Variants in DNAJC19 observed in about 807,000 individuals in gnomAD.
The protein encoded by DNAJC19 is DnaJ heat shock protein family (Hsp40) member C19.
A neutral mutation model predicts 19.8 loss-of-function variants in DNAJC19; 15 were observed. The ratio of observed to expected loss-of-function variants is 0.76; its 90% CI spans 0.51 to 1.17. DNAJC19 has a LOEUF of 1.17. Among genes scored for constraint, DNAJC19 ranks in the 50% most tolerant of loss-of-function variants. DNAJC19 has a pLI of 0.00. For missense variants in DNAJC19, 105 were observed against 140.9 expected, an observed-to-expected ratio of 0.75 and a Z score of 1.29; for synonymous variants, 38 against 42.1, an observed-to-expected ratio of 0.90 and a Z score of 0.38.
At chr3:180,987,874 G>T in intron 3 of DNAJC19, 149 bp downstream of exon 3, 1 of 948,064 alleles carries the variant, frequency 1.1e-6, no homozygotes. Flanking sequence ...CCATCACAAA[G>T]TTCAGAACTT....
At position 180,984,062 on chromosome 3, in the gene DNAJC19, G is replaced by T; in HGVS notation, c.*578C>A. On this transcript the variant is annotated 3_prime_UTR_variant, in exon 6 of 6. Transcript: ENST00000382564. ...AAATCTTTATCATACTATTTTTAATGCATGAAATAAAAATGGTTTATATGT... is the reference window on the plus strand; with the variant it reads ...AAATCTTTATCATACTATTTTTAATTCATGAAATAAAAATGGTTTATATGT... The T allele has an allele frequency of 2.2e-6, 1 of 453,878 alleles. No homozygotes were observed. Among genetic ancestry groups the T allele is most frequent in the Non-Finnish European group, 4.4e-6 (1 of 226,738 alleles). The allele number at this position is 453,878 out of a possible 1,614,324, so 28.1% of individuals were successfully genotyped here.
In DNAJC19 at chr3:180,989,732, A is replaced by C; in HGVS notation, c.-130T>G. 1 of 1,475,874 alleles carries C rather than the reference A, an allele frequency of 6.8e-7. No individual in the cohort carries two copies. Among genetic ancestry groups the C allele is most frequent in the Non-Finnish European group, 9.2e-7 (1 of 1,086,872 alleles). 91.4% of individuals were successfully genotyped at this position (1,475,874 alleles called of 1,614,324 possible). ...AACCTCAAGCACAGGCGCCCTACGC[A>C]ACACGGCAGGAGCAGCCGCAAACTA... On this transcript the variant is annotated 5_prime_UTR_variant, in exon 1 of 6. Transcript: ENST00000382564.
chr3:180,985,636 G>A (rs558179167), intron 5 of DNAJC19: 1 of 354,006 alleles, frequency 2.8e-6, no homozygotes, highest in South Asian at 3.6e-5. Context: ...AAATGGATAA[G>A]GAAAAATTAC....
chr3:180,989,445 G>C, intron 1 of DNAJC19, 155 bp downstream of exon 1: 5 of 1,495,322 alleles, frequency 3.3e-6, no homozygotes, highest in South Asian at 1.3e-5. Flanking sequence ...GAGCCAACAG[G>C]GTTGTGTCCT....
rs1715116278 is a variant in DNAJC19, at chr3:180,989,624, C to T, written c.-22G>A. Reference sequence around the variant, plus strand: ...CCATGGCTCCGGCTGGGCTCCCTTGCTTCCACCGGGAGCACGGCTCATCCC... The same window carrying T: ...CCATGGCTCCGGCTGGGCTCCCTTGTTTCCACCGGGAGCACGGCTCATCCC... On this transcript the variant is annotated 5_prime_UTR_variant, in exon 1 of 6. Transcript: ENST00000382564. The T allele has an allele frequency of 1.3e-6, 2 of 1,586,966 alleles. No individual in the cohort carries two copies. Among genetic ancestry groups the T allele is most frequent in the East Asian group, 2.3e-5 (1 of 43,612 alleles).
chr3:180,985,862 AATT>A, intron 5 of DNAJC19, 61 bp downstream of exon 5: 1 of 1,378,030 alleles, frequency 7.3e-7, no homozygotes, highest in Non-Finnish European at 1.0e-6. Context: ...TTTGAGATAA[AATT>A]ATCCCATTAA....
Position 180,988,353 on chromosome 3 carries a change from C to CT in DNAJC19, c.4-125dup, listed in dbSNP as rs369840102. ...AATAGGAGAAACAACTTTTTTTTTT[C>CT]TTTTTTTTTTTTTTTTTTTAAGAGA... On this transcript the variant is annotated intron_variant, in intron 1 of 5. Transcript: ENST00000382564. The CT allele has an allele frequency of 0.032, 20,434 of 648,280 alleles. 106 individuals carry two copies. The highest frequency in any genetic ancestry group is 0.06 in the African/African-American group (2,691 of 44,734). 40.2% of individuals were successfully genotyped at this position (648,280 alleles called of 1,614,324 possible). A position where few individuals can be genotyped will look rare whatever the true frequency, so the allele number is the denominator to read the frequency against.
At position 180,984,320 on chromosome 3, in the gene DNAJC19, G is replaced by A. The variant is rs757100034; in HGVS notation, c.*320C>T. ...CAGTTTATCAGTCTCCCATTAAAGT[G>A]GGGGCTCCCTGAGAGCAAGGACTGT... is the stretch of plus-strand genomic sequence containing the variant. On this transcript the variant is annotated 3_prime_UTR_variant, in exon 6 of 6. Transcript: ENST00000382564. 2.2e-6 allele frequency: 1 copy of A among 462,928 alleles called. No individual in the cohort carries two copies. The highest frequency in any genetic ancestry group is 1.5e-5 in the South Asian group (1 of 64,566). 28.7% of individuals were successfully genotyped at this position (462,928 alleles called of 1,614,324 possible).
rs540926566 is a variant in DNAJC19 at position 180,984,527 on chromosome 3, T to A, written c.*113A>T. On this transcript the variant is annotated 3_prime_UTR_variant, in exon 6 of 6. Coordinates refer to ENST00000382564, the MANE Select transcript of DNAJC19 (RefSeq NM_145261.4). The stretch of plus-strand genomic sequence containing the variant: ...GAAAATTATACCAAGGCTTTGAGAT[T>A]TAGCTTGTGCTAAATCATTTTTTAA... 177 of 755,164 alleles carry A rather than the reference T, an allele frequency of 2.3e-4. No homozygotes were observed. The highest frequency in any genetic ancestry group is 3.8e-4 in the Non-Finnish European group (165 of 438,960). 46.8% of individuals were successfully genotyped at this position (755,164 alleles called of 1,614,324 possible). A position where few individuals can be genotyped will look rare whatever the true frequency, so the allele number is the denominator to read the frequency against.
Position 180,986,061 on chromosome 3 carries a change from T to C in DNAJC19, c.210-65A>G, listed in dbSNP as rs1035514292. On this transcript the variant is annotated intron_variant, in intron 4 of 5. Coordinates refer to ENST00000382564, the MANE Select transcript of DNAJC19 (RefSeq NM_145261.4). ...CTGCATCACATCAAAAAACTGTACA[T>C]AAAGGCCAATTAAAGACACTGTGAA... 6 of 1,308,166 alleles carry C rather than the reference T, an allele frequency of 4.6e-6. No individual in the cohort carries two copies. In the African/African-American group the frequency reaches 7.3e-5, roughly 16 times the overall value. 81.0% of individuals were successfully genotyped at this position (1,308,166 alleles called of 1,614,324 possible).
At position 180,989,719 on chromosome 3, in the gene DNAJC19, A is replaced by T; in HGVS notation, c.-117T>A. The T allele has an allele frequency of 6.6e-7, 1 of 1,518,694 alleles. No individual in the cohort carries two copies. Among genetic ancestry groups the T allele is most frequent in the Non-Finnish European group, 8.9e-7 (1 of 1,124,280 alleles). 94.1% of individuals were successfully genotyped at this position (1,518,694 alleles called of 1,614,324 possible). A position where few individuals can be genotyped will look rare whatever the true frequency, so the allele number is the denominator to read the frequency against. On this transcript the variant is annotated 5_prime_UTR_variant, in exon 1 of 6. Coordinates refer to ENST00000382564, the MANE Select transcript of DNAJC19 (RefSeq NM_145261.4). ...CGACGCAACCCCCAACCTCAAGCAC[A>T]GGCGCCCTACGCAACACGGCAGGAG...
rs984946882 is a variant in DNAJC19 at position 180,983,877 on chromosome 3, A to G, written c.*763T>C. 2.2e-5 allele frequency: 10 copies of G among 453,892 alleles called. No homozygotes were observed. The highest frequency in any genetic ancestry group is 7.1e-5 in the Admixed American group (3 of 42,534). 28.1% of individuals were successfully genotyped at this position (453,892 alleles called of 1,614,324 possible). Reference sequence around the variant, plus strand: ...TGTCAAGAAATAGCCAACTGAAGGAATAATTTATAAATGGTCATTACCTTT... The same window carrying G: ...TGTCAAGAAATAGCCAACTGAAGGAGTAATTTATAAATGGTCATTACCTTT... On this transcript the variant is annotated 3_prime_UTR_variant, in exon 6 of 6. Transcript: ENST00000382564.
intron 1 of DNAJC19, chr3:180,989,330 A>C: frequency 7.1e-7 from 1 of 1,415,096 alleles, no homozygotes; most frequent in Non-Finnish European, 9.2e-7. Context: ...ACAGCCTCTG[A>C]CCTTACAGGA....
At chr3:180,988,272 C>T in intron 1 of DNAJC19, 43 bp from the exon 2 acceptor site, 1 of 1,610,764 alleles carries the variant, frequency 6.2e-7, no homozygotes, top group African/African-American at 1.3e-5. Context: ...CTCTAATTCC[C>T]ACCCTTTCTC....
rs781082518 is a variant in DNAJC19, at chr3:180,988,280, C to T, written c.4-51G>A. 4.4e-6 allele frequency: 7 copies of T among 1,607,376 alleles called. No homozygotes were observed. The South Asian group carries it at 6.6e-5, about 15-fold the overall frequency. On this transcript the variant is annotated intron_variant, in intron 1 of 5. Transcript: ENST00000382564. The stretch of plus-strand genomic sequence containing the variant: ...TTTACTTCTCTAATTCCCACCCTTT[C>T]TCATTTTGCCCATTCTTCCATCCCC...
At chr3:180,989,739 C>G, upstream of DNAJC19, 2 of 1,424,868 alleles carry the variant, frequency 1.4e-6, no homozygotes, top group African/African-American at 1.4e-5. Context: ...CGCAACACGG[C>G]AGGAGCAGCC....
At chr3:180,989,318 T>C in intron 1 of DNAJC19, 1 of 1,405,196 alleles carries the variant, frequency 7.1e-7, no homozygotes, top group Non-Finnish European at 9.2e-7. Flanking sequence ...TCCGAGTCCA[T>C]GACAGCCTCT....
At chr3:180,989,315 CCATGACAGCCTCTGACCTTA>C (rs1421177054) in intron 1 of DNAJC19, 23 of 1,404,194 alleles carry the variant, frequency 1.6e-5, no homozygotes, top group Non-Finnish European at 2.0e-5. Context: ...ATCTCCGAGT[CCATGACAGCCTCTGACCTTA>C]CAGGAGTTCC....
intron 4 of DNAJC19, 109 bp downstream of exon 4, chr3:180,986,834 A>G: frequency 1.1e-6 from 1 of 914,832 alleles, no homozygotes. Flanking sequence ...TCTTCCTAGG[A>G]CAAAATCCCC....
Sources: allele counts gnomAD v4.1 joint callset, GRCh38; gene constraint gnomAD v4.1.1; transcripts MANE v1.5; gene names NCBI Gene and HGNC (gene_info 2026-07-23, HGNC 2026-07-21).